LUZP2: variants seen among roughly 807,000 people sequenced by gnomAD.
LUZP2 encodes leucine zipper protein 2.
A neutral mutation model predicts 51.6 loss-of-function variants in LUZP2; 52 were observed. That is an observed-to-expected ratio of 1.01 (90% CI 0.81 to 1.27). LUZP2 has a LOEUF of 1.27. Among genes scored for constraint, LUZP2 ranks in the 50% most tolerant of loss-of-function variants. The pLI is 0.00. For synonymous variants in LUZP2, 154 were observed against 137.3 expected, an observed-to-expected ratio of 1.12 and a Z score of -0.85; for missense variants, 436 against 395.4, an observed-to-expected ratio of 1.10 and a Z score of -0.87.
chr11:24,969,139 G>T (rs1246331882), intron 7 of LUZP2, among the ~76,000 whole-genome samples: 1 of 151,948 alleles, frequency 6.6e-6, no homozygotes, highest in Non-Finnish European at 1.5e-5. Flanking sequence ...TATCTTTTCT[G>T]CTTCTCTCCC....
At chr11:25,045,520 T>A (rs926146757) in intron 9 of LUZP2, among the ~76,000 whole-genome samples, 4 of 152,190 alleles carry the variant, frequency 2.6e-5, no homozygotes, top group Non-Finnish European at 1.5e-5. Flanking sequence ...GGATAGATGA[T>A]AATTAATTTA....
rs1354514836 is a variant in LUZP2 at position 24,887,583 on chromosome 11, G to A, written c.397-18408G>A. 5.3e-5 allele frequency among the ~76,000 whole-genome samples: 8 copies of A among 152,078 alleles called. No homozygotes were observed. In the South Asian group the frequency reaches 1.0e-3, roughly 20 times the overall value. ...TCTGGCCACTGACTTGAACCATTTG[G>A]GTGTTGTATACACTGGAAATTGTGC... On this transcript the variant is annotated intron_variant, in intron 5 of 11. Coordinates refer to ENST00000336930, the MANE Select transcript of LUZP2 (RefSeq NM_001009909.4).
At chr11:24,900,514 C>A (rs2133777756) in intron 5 of LUZP2, among the ~76,000 whole-genome samples, 1 of 152,272 alleles carries the variant, frequency 6.6e-6, no homozygotes, top group Non-Finnish European at 1.5e-5. Context: ...TCTTTTTCTG[C>A]ATTGCATTCT....
chr11:25,028,115 G>A (rs370357252), intron 9 of LUZP2, among the ~76,000 whole-genome samples: 1 of 152,044 alleles, frequency 6.6e-6, no homozygotes, highest in East Asian at 1.9e-4. Context: ...GGTTATACGA[G>A]ACATTTTGAT....
chr11:24,603,871 A>T (rs901549035), intron 1 of LUZP2, among the ~76,000 whole-genome samples: 3 of 151,788 alleles, frequency 2.0e-5, no homozygotes, highest in Non-Finnish European at 3.0e-5. Context: ...ACCTAAAAAA[A>T]GTCATATCCT....
intron 1 of LUZP2, among the ~76,000 whole-genome samples, chr11:24,657,219 T>C (rs144708414): frequency 0.014 from 2,157 of 152,298 alleles, 47 homozygotes; most frequent in African/African-American, 0.046. Flanking sequence ...TTAGAAGTTA[T>C]AGCAGTGCTT....
In LUZP2 at chr11:25,033,295, C is replaced by T. The variant is rs114955784; in HGVS notation, c.766-16743C>T. ...ATTTTCTTTTTTAGAAGTATTTATT[C>T]GCAGTCCAGCTAGGTGCCCGGTATG... On this transcript the variant is annotated intron_variant, in intron 9 of 11. Coordinates refer to ENST00000336930, the MANE Select transcript of LUZP2 (RefSeq NM_001009909.4). Among the ~76,000 whole-genome samples, 471 of 152,252 alleles carry T rather than the reference C, an allele frequency of 3.1e-3. 4 individuals carry two copies. The highest frequency in any genetic ancestry group is 0.011 in the African/African-American group (451 of 41,548).
intron 1 of LUZP2, among the ~76,000 whole-genome samples, chr11:24,555,892 T>A (rs1435836946): frequency 6.6e-6 from 1 of 152,160 alleles, no homozygotes; most frequent in East Asian, 1.9e-4. Flanking sequence ...CTGGGAGGAC[T>A]GCTTGAGCAC....
intron 1 of LUZP2, among the ~76,000 whole-genome samples, chr11:24,728,413 C>A (rs549728519): frequency 4.6e-5 from 7 of 151,984 alleles, no homozygotes; most frequent in Admixed American, 1.3e-4. Flanking sequence ...GCCTCCCCTG[C>A]TTCTGCTCTA....
chr11:24,758,835 A>T (rs528732630), intron 4 of LUZP2, among the ~76,000 whole-genome samples: 1 of 152,200 alleles, frequency 6.6e-6, no homozygotes, highest in East Asian at 1.9e-4. Flanking sequence ...TGGTAAGTCT[A>T]TAGTAAAATG....
intron 5 of LUZP2, among the ~76,000 whole-genome samples, chr11:24,822,541 A>T (rs368308136): frequency 2.0e-4 from 30 of 152,264 alleles, no homozygotes; most frequent in African/African-American, 7.0e-4. Context: ...ATGTCATTAC[A>T]CATTTCCCCA....
intron 4 of LUZP2, among the ~76,000 whole-genome samples, chr11:24,761,993 A>T (rs1349756189): frequency 6.6e-6 from 1 of 152,012 alleles, no homozygotes; most frequent in African/African-American, 2.4e-5. Context: ...ATAATAAATA[A>T]TGATAAATAA....
chr11:25,041,417 AG>A (rs1269817916), intron 9 of LUZP2, among the ~76,000 whole-genome samples: 1 of 152,132 alleles, frequency 6.6e-6, no homozygotes, highest in African/African-American at 2.4e-5. Context: ...GGTTGACCTC[AG>A]GTAAATGAAA....
rs1422094052 is a variant in LUZP2 at position 24,796,583 on chromosome 11, A to G, written c.396+33275A>G. Among the ~76,000 whole-genome samples the G allele has an allele frequency of 2.7e-5, 4 of 150,936 alleles. No homozygotes were observed. In the Admixed American group the frequency reaches 2.7e-4, roughly 10 times the overall value. On this transcript the variant is annotated intron_variant, in intron 5 of 11. Coordinates refer to ENST00000336930, the MANE Select transcript of LUZP2 (RefSeq NM_001009909.4). ...AAGAGCCAAAGAGAAAAAAAAAAAA[A>G]GGAAAGTGAGAGAAGAGGTTCAGAA...
intron 9 of LUZP2, among the ~76,000 whole-genome samples, chr11:24,983,668 T>G (rs944567574): frequency 2.6e-5 from 4 of 151,578 alleles, no homozygotes; most frequent in Non-Finnish European, 5.9e-5. Flanking sequence ...GAAAGGTAAA[T>G]CATTTTTTTT....
intron 1 of LUZP2, among the ~76,000 whole-genome samples, chr11:24,593,064 A>C (rs1296386314): frequency 6.6e-6 from 1 of 151,246 alleles, no homozygotes; most frequent in Non-Finnish European, 1.5e-5. Flanking sequence ...AATACTTTAC[A>C]TTCTTTGTCT....
At chr11:25,072,479 A>G (rs990483856) in intron 10 of LUZP2, among the ~76,000 whole-genome samples, 1 of 152,122 alleles carries the variant, frequency 6.6e-6, no homozygotes, top group Non-Finnish European at 1.5e-5. Context: ...AAGGTAATTT[A>G]TTAGATTGTC....
At chr11:24,557,340 A>G (rs1851901618) in intron 1 of LUZP2, among the ~76,000 whole-genome samples, 1 of 147,818 alleles carries the variant, frequency 6.8e-6, no homozygotes, top group Admixed American at 6.8e-5. Flanking sequence ...AATAGAATGT[A>G]AATATATCCT....
intron 1 of LUZP2, among the ~76,000 whole-genome samples, chr11:24,687,854 G>A (rs1038554264): frequency 4.6e-5 from 7 of 152,072 alleles, no homozygotes; most frequent in African/African-American, 1.4e-4. Context: ...AAGCTGGTAG[G>A]CATTAACATA....
Sources: gnomAD v4.1 joint callset for allele counts (sites outside exome capture counted in the v4.1 genomes callset) on GRCh38, gnomAD v4.1.1 for gene constraint, MANE v1.5 for transcripts, NCBI Gene and HGNC (gene_info 2026-07-23, HGNC 2026-07-21) for gene names.